MYO7B: variants seen among roughly 807,000 people sequenced by gnomAD.
MYO7B encodes the protein unconventional myosin-VIIb.
Under a neutral mutation model 259.7 loss-of-function variants are expected in MYO7B, and 212 were observed. That is an observed-to-expected ratio of 0.82 (90% CI 0.73 to 0.91). The LOEUF (loss-of-function observed/expected upper bound fraction) is 0.91, where lower values mean the gene tolerates loss of function less well. Ranked by LOEUF, MYO7B falls within the 40% of genes least tolerant of loss-of-function variation. MYO7B has a pLI of 0.00. For missense variants in MYO7B, 2,732 were observed against 2,813.5 expected, an observed-to-expected ratio of 0.97 and a Z score of 0.66; for synonymous variants, 1,197 against 1,166.4, an observed-to-expected ratio of 1.03 and a Z score of -0.54.
intron 31 of MYO7B, 129 bp downstream of exon 31, chr2:127,625,664 C>T (rs1681073409): frequency 1.8e-6 from 2 of 1,082,408 alleles, no homozygotes; most frequent in African/African-American, 1.6e-5. Context: ...CAAGCCTCAG[C>T]TTGACAGTTA....
chr2:127,537,571 C>T (rs776107516), intron 1 of MYO7B, among the ~76,000 whole-genome samples: 1 of 152,112 alleles, frequency 6.6e-6, no homozygotes, highest in Non-Finnish European at 1.5e-5. Flanking sequence ...GGTGGTGGCT[C>T]ATGCCTGTAA....
chr2:127,624,697 G>A (rs1313288712), intron 30 of MYO7B, among the ~76,000 whole-genome samples: 2 of 152,234 alleles, frequency 1.3e-5, no homozygotes, highest in East Asian at 1.9e-4. Context: ...TCCTGTCACC[G>A]CAGAGCCCTG....
chr2:127,623,993 CCCAGGCCCT>C, intron 29 of MYO7B, 91 bp from the exon 30 acceptor site: 1 of 1,165,808 alleles, frequency 8.6e-7, no homozygotes, highest in Non-Finnish European at 1.2e-6. Context: ...CTCCAAGGGC[CCCAGGCCCT>C]GTCTTCTACG....
chr2:127,578,011 A>G (rs1678942584), intron 8 of MYO7B, 122 bp from the exon 9 acceptor site: 1 of 1,142,344 alleles, frequency 8.8e-7, no homozygotes, highest in African/African-American at 1.5e-5. Flanking sequence ...AGAGTTTTTG[A>G]GCGTGGACCC....
rs781416450 is a variant in MYO7B at position 127,628,317 on chromosome 2, G to C, written c.4461-55G>C. 1 of 1,554,396 alleles carries C rather than the reference G, an allele frequency of 6.4e-7. No individual in the cohort carries two copies. ...CCCCACCTCCCGAGGCTGTTTAGGG[G>C]CTGGATCAGGGGAAGGTGGAGGGGG... On this transcript the variant is annotated intron_variant, in intron 33 of 47. Coordinates refer to ENST00000409816, the MANE Select transcript of MYO7B (RefSeq NM_001393586.1). This position sits in a 1 kb window ranked among gnomAD's most constrained non-coding sequence, Gnocchi z 4.8.
At chr2:127,593,903 G>A (rs1265978304) in intron 18 of MYO7B, among the ~76,000 whole-genome samples, 3 of 152,204 alleles carry the variant, frequency 2.0e-5, no homozygotes, top group African/African-American at 7.2e-5. Context: ...GGGTACCTAG[G>A]GCAAGGCCTG....
rs150505762 is a variant in MYO7B, at chr2:127,627,982, C to T, written c.4461-390C>T. On this transcript the variant is annotated intron_variant, in intron 33 of 47. Coordinates refer to ENST00000409816, the MANE Select transcript of MYO7B (RefSeq NM_001393586.1). This position sits in a 1 kb window ranked among gnomAD's most constrained non-coding sequence, Gnocchi z 5.6. ...GTATGCCACGAAGTACCGACAGCAT[C>T]ACCCATTCTGCAGATGAGCGGATGA... The T allele has an allele frequency of 5.1e-4, 240 of 471,672 alleles. No homozygotes were observed. The highest frequency in any genetic ancestry group is 4.4e-3 in the African/African-American group (222 of 50,832). The allele number at this position is 471,672 out of a possible 1,614,324, so 29.2% of individuals were successfully genotyped here.
rs755198936 is a variant in MYO7B, at chr2:127,609,147, G to A, written c.2814+269G>A. Among the ~76,000 whole-genome samples the A allele has an allele frequency of 2.6e-5, 4 of 152,300 alleles. No individual in the cohort carries two copies. Among genetic ancestry groups the A allele is most frequent in the Non-Finnish European group, 4.4e-5 (3 of 68,020 alleles). On this transcript the variant is annotated intron_variant, in intron 22 of 47. Coordinates refer to ENST00000409816, the MANE Select transcript of MYO7B (RefSeq NM_001393586.1). The surrounding 1 kb of genome is among the most constrained non-coding windows in gnomAD (Gnocchi z 6.9). ...CTCTCCATCACATGGCATTCCCCGC[G>A]TATATTTGACCCCACCCGGGCACCC...
intron 5 of MYO7B, among the ~76,000 whole-genome samples, chr2:127,568,713 A>T (rs1678460289): frequency 6.6e-6 from 1 of 152,042 alleles, no homozygotes; most frequent in African/African-American, 2.4e-5. Flanking sequence ...CCTGGCCAAC[A>T]TGGTGAAACC....
intron 2 of MYO7B, among the ~76,000 whole-genome samples, chr2:127,563,143 C>T (rs2104859120): frequency 6.6e-6 from 1 of 152,308 alleles, no homozygotes; most frequent in South Asian, 2.1e-4. Flanking sequence ...GCTCTTTTGC[C>T]TCTGACCTAC....
rs200293641 is a variant in MYO7B at position 127,631,769 on chromosome 2, G to C, written c.5249+16G>C. ...ACTCCAACAGGTCTGCTGGGGCGGC[G>C]GCCAGCCCACGCGGGCACCCTCAGT... On this transcript the variant is annotated intron_variant, in intron 38 of 47. Transcript: ENST00000409816. 1 of 1,609,742 alleles carries C rather than the reference G, an allele frequency of 6.2e-7. No homozygotes were observed. The highest frequency in any genetic ancestry group is 8.5e-7 in the Non-Finnish European group (1 of 1,178,414).
At chr2:127,565,156 C>A in intron 3 of MYO7B, 77 bp from the exon 4 acceptor site, 1 of 1,538,186 alleles carries the variant, frequency 6.5e-7, no homozygotes, top group Non-Finnish European at 8.8e-7. Flanking sequence ...CTGCTGAGAA[C>A]TTGGAGGGGA....
At chr2:127,564,081 G>A (rs1678219040) in intron 2 of MYO7B, 72 bp from the exon 3 acceptor site, 1 of 1,136,664 alleles carries the variant, frequency 8.8e-7, no homozygotes, top group Non-Finnish European at 1.3e-6. Flanking sequence ...TAGCCCCGAA[G>A]AGAAGTAAGT....
Position 127,627,012 on chromosome 2 carries a change from T to A in MYO7B, c.4253T>A (p.Val1418Glu). Residue 1418 changes from valine to glutamate, a missense_variant, in exon 32 of 48, where the codon GTG (valine) becomes GAG (glutamate). Physicochemically the swap from Val to Glu is moderately radical, Grantham distance 121. Around this residue, in one of 3 missense-constraint regions of MYO7B, gnomAD observed 1,906 missense variants for 2,026.4 expected, o/e 0.94. Transcript: ENST00000409816. The surrounding 1 kb of genome is among the most constrained non-coding windows in gnomAD (Gnocchi z 5.6). ...YTQKQVTPLA[V>E]REQVVDAARL... ...CAGAAGCAAGTCACACCACTGGCCG[T>A]GCGAGAGCAGGTGGTGGACGCCGCC... 1.2e-6 allele frequency: 2 copies of A among 1,611,516 alleles called. No individual in the cohort carries two copies. The highest frequency in any genetic ancestry group is 1.7e-6 in the Non-Finnish European group (2 of 1,179,244).
chr2:127,625,738 A>G (rs1180618776), intron 31 of MYO7B, among the ~76,000 whole-genome samples: 1 of 152,192 alleles, frequency 6.6e-6, no homozygotes, highest in African/African-American at 2.4e-5. Context: ...TCACAGGCCC[A>G]TGCCACCTTC....
At chr2:127,626,725 G>A (rs1681144505) in intron 31 of MYO7B, 1 of 394,978 alleles carries the variant, frequency 2.5e-6, no homozygotes, top group Non-Finnish European at 4.6e-6. Flanking sequence ...CTTGCGGTGA[G>A]CCAAGATCGC....
At chr2:127,587,808 C>A (rs929207302) in intron 14 of MYO7B, among the ~76,000 whole-genome samples, 1 of 152,012 alleles carries the variant, frequency 6.6e-6, no homozygotes, top group Non-Finnish European at 1.5e-5. Flanking sequence ...ACCTTGTGAT[C>A]CACCTGCCTC....
chr2:127,612,177 A>G (rs12053039), intron 24 of MYO7B, 73 bp from the exon 25 acceptor site: 97,182 of 520,838 alleles, frequency 0.19, 10,308 homozygotes, highest in South Asian at 0.29. Context: ...GCTCCACCCC[A>G]GGAGGCTGTG....
rs1030187042 is a variant in MYO7B, at chr2:127,559,877, C to T, written c.18+137C>T. 8.1e-5 allele frequency: 84 copies of T among 1,037,340 alleles called. No individual in the cohort carries two copies. The highest frequency in any genetic ancestry group is 1.0e-4 in the Non-Finnish European group (68 of 667,592). The allele number at this position is 1,037,340 out of a possible 1,614,324, so 64.3% of individuals were successfully genotyped here. ...CAGAGACAGGGGAGTTTAGGAAACACGACAGATTCTAGCATCTAAAGAAAA... is the reference window on the plus strand; with the variant it reads ...CAGAGACAGGGGAGTTTAGGAAACATGACAGATTCTAGCATCTAAAGAAAA... On this transcript the variant is annotated intron_variant, in intron 2 of 47. Transcript: ENST00000409816. The surrounding 1 kb of genome is among the most constrained non-coding windows in gnomAD (Gnocchi z 4.1).
Sources: allele counts gnomAD v4.1 joint callset (sites outside exome capture counted in the v4.1 genomes callset), GRCh38; gene constraint gnomAD v4.1.1; regional missense constraint gnomAD v4.1.1; non-coding constraint Gnocchi (gnomAD v3.1); transcripts MANE v1.5; gene names NCBI Gene and HGNC (gene_info 2026-07-23, HGNC 2026-07-21).